SCN2A: variants seen among roughly 807,000 people sequenced by gnomAD.
SCN2A encodes the protein sodium voltage-gated channel alpha subunit 2, also known as sodium channel protein type 2 subunit alpha.
In SCN2A, 20 loss-of-function variants were observed where a neutral mutation model predicts 188.7. The ratio of observed to expected loss-of-function variants is 0.11; its 90% CI spans 0.07 to 0.15. The LOEUF (loss-of-function observed/expected upper bound fraction) is 0.15, where lower values mean the gene tolerates loss of function less well. SCN2A is among the 10% of genes least tolerant of loss of function. The pLI, the probability that SCN2A is intolerant of heterozygous loss-of-function variation, is 1.00. For missense variants in SCN2A, 1,278 were observed against 2,445.0 expected (o/e 0.52, Z 10.07); for synonymous variants, 804 against 833.1 (o/e 0.97, Z 0.60).
intron 11 of SCN2A, among the ~76,000 whole-genome samples, chr2:165,317,127 T>A (rs1390677586): frequency 6.6e-6 from 1 of 152,114 alleles, no homozygotes; most frequent in African/African-American, 2.4e-5. Flanking sequence ...TTTTTTTAGG[T>A]CAGCCTTATT....
chr2:165,377,581 A>T lies in SCN2A; in HGVS notation c.4255-16A>T. The T allele has an allele frequency of 6.3e-7, 1 of 1,597,214 alleles. No individual in the cohort carries two copies. On this transcript the variant is annotated splice_polypyrimidine_tract_variant and intron_variant, in intron 22 of 26. Transcript: ENST00000375437. ...TAATTTTGGGAAAAAAGAAAATGAT[A>T]TGACTTTTCTTACAGGCCACGTTTA...
chr2:165,318,730 G>A (rs1227763820), intron 11 of SCN2A, among the ~76,000 whole-genome samples: 2 of 152,142 alleles, frequency 1.3e-5, no homozygotes, highest in Admixed American at 6.5e-5. Flanking sequence ...TACTAAAAGC[G>A]ATAGAAACAT....
At chr2:165,312,845 A>G (rs1006269463) in intron 8 of SCN2A, among the ~76,000 whole-genome samples, 2 of 152,174 alleles carry the variant, frequency 1.3e-5, no homozygotes, top group African/African-American at 4.8e-5. Flanking sequence ...TACTGTGGAC[A>G]TTAGTAGCTA....
chr2:165,310,648 A>G, intron 7 of SCN2A, 53 bp downstream of exon 7: 3 of 1,263,522 alleles, frequency 2.4e-6, no homozygotes, highest in Non-Finnish European at 3.2e-6. Flanking sequence ...AATATTAAAT[A>G]TTATATATAA....
intron 1 of SCN2A, among the ~76,000 whole-genome samples, chr2:165,294,876 G>A (rs749550100): frequency 3.9e-5 from 6 of 152,062 alleles, no homozygotes; most frequent in Non-Finnish European, 8.8e-5. Flanking sequence ...ATAAACTATC[G>A]TAAACTTATT....
intron 1 of SCN2A, among the ~76,000 whole-genome samples, chr2:165,280,365 A>G (rs1209142217): frequency 6.6e-6 from 1 of 152,194 alleles, no homozygotes; most frequent in Non-Finnish European, 1.5e-5. Flanking sequence ...TCTCATTAGT[A>G]AAATAAACAT....
intron 1 of SCN2A, among the ~76,000 whole-genome samples, chr2:165,288,305 G>T (rs1336580319): frequency 6.6e-6 from 1 of 151,988 alleles, no homozygotes; most frequent in Non-Finnish European, 1.5e-5. Flanking sequence ...AAATGACAGT[G>T]GTGCTGTTTC....
chr2:165,368,486 T>C (rs191896121), intron 19 of SCN2A, among the ~76,000 whole-genome samples: 2 of 152,358 alleles, frequency 1.3e-5, no homozygotes, highest in Admixed American at 1.3e-4. Flanking sequence ...AGAATTTCTC[T>C]GCCTCTTGTT....
At chr2:165,307,192 A>G (rs1278627478) in intron 3 of SCN2A, among the ~76,000 whole-genome samples, 4 of 152,152 alleles carry the variant, frequency 2.6e-5, no homozygotes, top group Admixed American at 2.0e-4. Context: ...AGACTTACAT[A>G]TTTTAACAAA....
At chr2:165,290,170 G>T (rs1368865432) in intron 1 of SCN2A, among the ~76,000 whole-genome samples, 1 of 152,106 alleles carries the variant, frequency 6.6e-6, no homozygotes, top group Non-Finnish European at 1.5e-5. Flanking sequence ...TCAGATCAGG[G>T]TTATTAGCAC....
At chr2:165,340,045 G>A (rs1448652750) in intron 14 of SCN2A, among the ~76,000 whole-genome samples, 1 of 152,114 alleles carries the variant, frequency 6.6e-6, no homozygotes, top group Non-Finnish European at 1.5e-5. Context: ...ATAGAAGAAA[G>A]GAAGTGTTTT....
chr2:165,331,989 A>C (rs1259434008), intron 14 of SCN2A, among the ~76,000 whole-genome samples: 2 of 152,068 alleles, frequency 1.3e-5, no homozygotes, highest in Non-Finnish European at 2.9e-5. Flanking sequence ...GGGAGGGGAC[A>C]TCATCTGGGG....
intron 15 of SCN2A, among the ~76,000 whole-genome samples, chr2:165,344,062 G>C (rs1699442899): frequency 1.3e-5 from 2 of 152,118 alleles, no homozygotes; most frequent in Non-Finnish European, 2.9e-5. Context: ...CTACTTCTCT[G>C]AAACTGGATC....
At chr2:165,291,468 T>TTC (rs1255500926) in intron 1 of SCN2A, among the ~76,000 whole-genome samples, 1 of 39,270 alleles carries the variant, frequency 2.5e-5, no homozygotes, top group Non-Finnish European at 6.2e-5. Flanking sequence ...CTTTCTTTCT[T>TTC]TCTTTCTTTC....
chr2:165,313,882 A>C lies in SCN2A; in HGVS notation c.1177-20A>C, dbSNP rs779409916. On this transcript the variant is annotated intron_variant, in intron 9 of 26. Coordinates refer to ENST00000375437, the MANE Select transcript of SCN2A (RefSeq NM_001040142.2). ...AACATCCTATATAAAATTTATTAAA[A>C]TCTCTCTTCCATTTTGCAGACACTA... 6.2e-7 allele frequency: 1 copy of C among 1,613,400 alleles called. No homozygotes were observed. Among genetic ancestry groups the C allele is most frequent in the South Asian group, 1.1e-5 (1 of 91,034 alleles).
At chr2:165,241,003 C>A (rs912153324) in intron 1 of SCN2A, 1 of 152,070 alleles carries the variant, frequency 6.6e-6, no homozygotes, top group South Asian at 2.1e-4. Flanking sequence ...CCCAGAGTCA[C>A]GTACTAAATT....
chr2:165,278,522 A>G (rs10166154), intron 1 of SCN2A, among the ~76,000 whole-genome samples: 22,664 of 152,136 alleles, frequency 0.15, 1,881 homozygotes, highest in Middle Eastern at 0.21. Flanking sequence ...CCATGGTTCA[A>G]TTACCTCCAC....
chr2:165,295,869 T>C lies in SCN2A; in HGVS notation c.46T>C (p.Phe16Leu), dbSNP rs1696476663. 1.2e-6 allele frequency: 2 copies of C among 1,614,192 alleles called. No individual in the cohort carries two copies. The highest frequency in any genetic ancestry group is 1.7e-6 in the Non-Finnish European group (2 of 1,180,036). ...LVPPGPDSFR[F>L]FTRESLAAIE... The stretch of plus-strand genomic sequence containing the variant: ...ACCGCCAGGACCTGACAGCTTCCGC[T>C]TCTTTACCAGGGAATCCCTTGCTGC... Residue 16 changes from phenylalanine (F) to leucine (L), a missense_variant, in exon 2 of 27, where the codon TTC (phenylalanine) becomes CTC (leucine). By Grantham distance (22) the Phe-to-Leu change is conservative (BLOSUM62 0). This residue lies in a region of SCN2A where 141 missense variants were observed against 185.4 expected (regional missense o/e 0.76). Coordinates refer to ENST00000375437, the MANE Select transcript of SCN2A (RefSeq NM_001040142.2).
chr2:165,330,673 A>G (rs1456729178), intron 13 of SCN2A, among the ~76,000 whole-genome samples: 1 of 152,138 alleles, frequency 6.6e-6, no homozygotes, highest in Non-Finnish European at 1.5e-5. Flanking sequence ...GTAATAAATG[A>G]GTTCCACTTT....
Sources: gnomAD v4.1 joint callset for allele counts (sites outside exome capture counted in the v4.1 genomes callset) on GRCh38, gnomAD v4.1.1 for gene constraint, gnomAD v4.1.1 regional missense constraint, MANE v1.5 for transcripts, NCBI Gene and HGNC (gene_info 2026-07-23, HGNC 2026-07-21) for gene names.